NPSR1: variants seen among roughly 807,000 people sequenced by gnomAD.
NPSR1 encodes the protein neuropeptide S receptor 1.
Under a neutral mutation model 46.9 loss-of-function variants are expected in NPSR1, and 48 were observed. That is an observed-to-expected ratio of 1.02 (90% CI 0.81 to 1.30). NPSR1 has a LOEUF of 1.30. Ranked by LOEUF, NPSR1 falls within the 50% of genes most tolerant of loss-of-function variation. NPSR1 has a pLI of 0.00. For synonymous variants in NPSR1, 176 were observed against 168.1 expected, an observed-to-expected ratio of 1.05 and a Z score of -0.36; for missense variants, 450 against 449.5, an observed-to-expected ratio of 1.00 and a Z score of -0.01.
chr7:34,659,025 T>C (rs1030079029), intron 1 of NPSR1, among the ~76,000 whole-genome samples: 2 of 152,232 alleles, frequency 1.3e-5, no homozygotes, highest in East Asian at 1.9e-4. Context: ...GACGACACTT[T>C]CTTTGATGAT....
At chr7:34,740,665 C>T (rs1784897477) in intron 2 of NPSR1, among the ~76,000 whole-genome samples, 1 of 152,148 alleles carries the variant, frequency 6.6e-6, no homozygotes, top group African/African-American at 2.4e-5. Flanking sequence ...GTCATCTAGA[C>T]CTTTAGGTTA....
intron 2 of NPSR1, among the ~76,000 whole-genome samples, chr7:34,739,569 A>AT (rs949786608): frequency 3.9e-5 from 6 of 152,064 alleles, no homozygotes; most frequent in African/African-American, 1.4e-4. Flanking sequence ...CCTTTGTTCC[A>AT]TTTTTTAGTT....
chr7:34,792,905 A>T (rs966372523), intron 3 of NPSR1, among the ~76,000 whole-genome samples: 3 of 150,476 alleles, frequency 2.0e-5, no homozygotes, highest in Non-Finnish European at 4.4e-5. Flanking sequence ...ACAAAAACAT[A>T]GGCTGTGTGC....
chr7:34,751,454 T>C, intron 2 of NPSR1: 2 of 1,123,988 alleles, frequency 1.8e-6, no homozygotes, highest in Non-Finnish European at 2.7e-6. Context: ...AACAGTTCCA[T>C]CTTGCAGAAG....
chr7:34,812,377 A>G (rs1476286914), intron 4 of NPSR1, among the ~76,000 whole-genome samples: 2 of 152,184 alleles, frequency 1.3e-5, no homozygotes, highest in African/African-American at 4.8e-5. Context: ...AGGGATCCCT[A>G]AGAAAAGGAA....
At chr7:34,843,139 G>T (rs762585383) in intron 6 of NPSR1, among the ~76,000 whole-genome samples, 3 of 152,158 alleles carry the variant, frequency 2.0e-5, no homozygotes, top group Non-Finnish European at 4.4e-5. Flanking sequence ...TCTCTCCTCT[G>T]TCCACAGTTG....
At position 34,848,624 on chromosome 7, in the gene NPSR1, T is replaced by C; in HGVS notation, c.986T>C (p.Ile329Thr). The C allele has an allele frequency of 6.2e-7, 1 of 1,614,198 alleles. No individual in the cohort carries two copies. Among genetic ancestry groups the C allele is most frequent in the South Asian group, 1.1e-5 (1 of 91,084 alleles). ...TTGAATAGTGCCATCAACCCCCTCA[T>C]CTACTGTGTCTTCAGCAGCTCCATC... The part of the protein sequence containing the change: ...PALNSAINPL[I>T]YCVFSSSISF... Residue 329 changes from isoleucine (I) to threonine (T), a missense_variant, in exon 8 of 9, where the codon ATC (isoleucine) becomes ACC (threonine). Ile to Thr is a moderately conservative substitution (Grantham distance 89). Transcript: ENST00000360581.
intron 4 of NPSR1, among the ~76,000 whole-genome samples, chr7:34,819,449 C>G (rs1789436119): frequency 6.6e-6 from 1 of 152,206 alleles, no homozygotes; most frequent in Admixed American, 6.5e-5. Context: ...GAAATAGGAA[C>G]ACTTTTACAC....
At chr7:34,765,654 CA>C (rs1340611621) in intron 2 of NPSR1, among the ~76,000 whole-genome samples, 23 of 152,148 alleles carry the variant, frequency 1.5e-4, no homozygotes, top group Admixed American at 1.5e-3. Context: ...TTCACAATAC[CA>C]AAGACATGGA....
chr7:34,842,428 A>G (rs987987018), intron 6 of NPSR1, among the ~76,000 whole-genome samples: 1 of 152,198 alleles, frequency 6.6e-6, no homozygotes, highest in Non-Finnish European at 1.5e-5. Context: ...GTTTAGCAAC[A>G]TTCCTGGTCT....
At chr7:34,841,888 G>A (rs1431712236) in intron 6 of NPSR1, among the ~76,000 whole-genome samples, 1 of 152,210 alleles carries the variant, frequency 6.6e-6, no homozygotes, top group Non-Finnish European at 1.5e-5. Flanking sequence ...GGGACACTTT[G>A]AAAGAATATA....
At chr7:34,665,448 T>A (rs1391807444) in intron 1 of NPSR1, among the ~76,000 whole-genome samples, 1 of 152,096 alleles carries the variant, frequency 6.6e-6, no homozygotes, top group Admixed American at 6.6e-5. Context: ...AAAGATTTGA[T>A]CCTTACCTTC....
chr7:34,819,919 C>G (rs1789470086), intron 4 of NPSR1, among the ~76,000 whole-genome samples: 1 of 152,004 alleles, frequency 6.6e-6, no homozygotes, highest in African/African-American at 2.4e-5. Flanking sequence ...CGGGGCCTGT[C>G]AGGGAGTGAG....
At chr7:34,844,225 G>T (rs1250525766) in intron 6 of NPSR1, among the ~76,000 whole-genome samples, 2 of 152,138 alleles carry the variant, frequency 1.3e-5, no homozygotes, top group African/African-American at 4.8e-5. Context: ...CGTGGTTATT[G>T]ATTCATTCAA....
At chr7:34,750,787 C>G in intron 2 of NPSR1, 1 of 693,766 alleles carries the variant, frequency 1.4e-6, no homozygotes, top group South Asian at 1.4e-5. Flanking sequence ...CCAGGTCCTG[C>G]TGCACCTGCT....
At chr7:34,750,418 G>GGTA (rs1383023360) in intron 2 of NPSR1, 24 of 745,088 alleles carry the variant, frequency 3.2e-5, no homozygotes, top group Non-Finnish European at 5.3e-5. Flanking sequence ...GATGCCGATG[G>GGTA]GTAGTACGAC....
intron 2 of NPSR1, among the ~76,000 whole-genome samples, chr7:34,759,354 C>T (rs1786040496): frequency 6.6e-6 from 1 of 152,020 alleles, no homozygotes; most frequent in African/African-American, 2.4e-5. Flanking sequence ...AGAAATTTCC[C>T]TTCTCTCCCA....
chr7:34,791,008 G>A lies in NPSR1; in HGVS notation c.384+12443G>A, dbSNP rs184310290. Among the ~76,000 whole-genome samples, 171 of 102,216 alleles carry A rather than the reference G, an allele frequency of 1.7e-3. 28 individuals carry two copies. Among genetic ancestry groups the A allele is most frequent in the African/African-American group, 6.7e-3 (164 of 24,360 alleles). 67.1% of individuals were successfully genotyped at this position (102,216 alleles called of 152,430 possible). ...ATATTATATATGTTATATGTTATATGTTATATTATATATGTTATATGTTAT... is the reference window on the plus strand; with the variant it reads ...ATATTATATATGTTATATGTTATATATTATATTATATATGTTATATGTTAT... On this transcript the variant is annotated intron_variant, in intron 3 of 8. Transcript: ENST00000360581.
intron 4 of NPSR1, among the ~76,000 whole-genome samples, chr7:34,815,840 A>G (rs1488981837): frequency 6.6e-6 from 1 of 152,230 alleles, no homozygotes; most frequent in African/African-American, 2.4e-5. Flanking sequence ...AAGGAGAAAT[A>G]AAATCCTTTA....
Sources: allele counts gnomAD v4.1 joint callset (sites outside exome capture counted in the v4.1 genomes callset), GRCh38; gene constraint gnomAD v4.1.1; transcripts MANE v1.5; gene names NCBI Gene and HGNC (gene_info 2026-07-23, HGNC 2026-07-21).